CD96: variants seen among roughly 807,000 people sequenced by gnomAD.
CD96 encodes CD96 molecule.
A neutral mutation model predicts 71.3 loss-of-function variants in CD96; 70 were observed. That is an observed-to-expected ratio of 0.98 (90% CI 0.81 to 1.20). The LOEUF is 1.20. Among genes scored for constraint, CD96 ranks in the 50% most tolerant of loss-of-function variants. The pLI is 0.00. For synonymous variants in CD96, 248 were observed against 233.0 expected (o/e 1.06, Z -0.59); for missense variants, 742 against 677.5 (o/e 1.10, Z -1.06).
chr3:111,624,150 G>C (rs989482215), intron 9 of CD96, among the ~76,000 whole-genome samples, 183 bp from the exon 10 acceptor site: 1 of 152,138 alleles, frequency 6.6e-6, no homozygotes, highest in African/African-American at 2.4e-5. Flanking sequence ...GTGACAAGCT[G>C]GCATTAAACA....
chr3:111,565,479 C>G (rs1387106812), intron 2 of CD96, among the ~76,000 whole-genome samples: 1 of 151,926 alleles, frequency 6.6e-6, no homozygotes, highest in Non-Finnish European at 1.5e-5. Context: ...TAAAATATAA[C>G]TAACATATTT....
At chr3:111,633,076 C>T (rs1444260788) in intron 10 of CD96, among the ~76,000 whole-genome samples, 1 of 152,128 alleles carries the variant, frequency 6.6e-6, no homozygotes, top group African/African-American at 2.4e-5. Context: ...TTATTTCTAG[C>T]ATTTGATTTA....
chr3:111,545,287 G>T lies in CD96; in HGVS notation c.303G>T (p.Trp101Cys). ...AAACTCCTGAGAATGGGTCAAAATG[G>T]ACTCTGCACTTAAGGAATATGTCTT... Reference protein sequence around the residue: ...FTETPENGSKWTLHLRNMSCS... With the variant: ...FTETPENGSKCTLHLRNMSCS... The change falls in exon 2 of 14, where the codon TGG becomes TGT. Residue 101 changes from tryptophan to cysteine, a missense_variant. Physicochemically the swap from Trp to Cys is radical, Grantham distance 215 (BLOSUM62 -2). Coordinates refer to ENST00000352690, the MANE Select transcript of CD96 (RefSeq NM_005816.5). 6.2e-7 allele frequency: 1 copy of T among 1,614,064 alleles called. No individual in the cohort carries two copies. The highest frequency in any genetic ancestry group is 8.5e-7 in the Non-Finnish European group (1 of 1,179,932).
intron 2 of CD96, among the ~76,000 whole-genome samples, chr3:111,553,465 T>C (rs1278535403): frequency 1.4e-5 from 2 of 144,318 alleles, no homozygotes; most frequent in Non-Finnish European, 3.0e-5. Context: ...GACTACGTGA[T>C]AGATGATGCA....
At chr3:111,550,772 G>A (rs1037569491) in intron 2 of CD96, among the ~76,000 whole-genome samples, 38 of 152,114 alleles carry the variant, frequency 2.5e-4, no homozygotes, top group Admixed American at 2.2e-3. Flanking sequence ...AGCTGCTATG[G>A]ATAGAAGGGA....
chr3:111,550,605 A>G (rs1287607632), intron 2 of CD96, among the ~76,000 whole-genome samples: 5 of 152,056 alleles, frequency 3.3e-5, no homozygotes, highest in Non-Finnish European at 5.9e-5. Flanking sequence ...AAAAAAGAAC[A>G]GTTTTTTTTT....
chr3:111,560,498 G>T lies in CD96; in HGVS notation c.419-7025G>T. 1.6e-5 allele frequency among the ~76,000 whole-genome samples: 2 copies of T among 127,292 alleles called. 1 individual carries two copies. The highest frequency in any genetic ancestry group is 5.9e-4 in the South Asian group (2 of 3,390). 83.5% of individuals were successfully genotyped at this position (127,292 alleles called of 152,430 possible). A position where few individuals can be genotyped will look rare whatever the true frequency, so the allele number is the denominator to read the frequency against. On this transcript the variant is annotated intron_variant, in intron 2 of 13. Coordinates refer to ENST00000352690, the MANE Select transcript of CD96 (RefSeq NM_005816.5). ...AGTTTGGCTGGATATGAAATTCTGGGTTGAAAATTCTTTTCTTTAAGAATG... is the reference window on the plus strand; with the variant it reads ...AGTTTGGCTGGATATGAAATTCTGGTTTGAAAATTCTTTTCTTTAAGAATG...
intron 3 of CD96, among the ~76,000 whole-genome samples, chr3:111,574,421 C>T (rs753062736): frequency 2.6e-5 from 4 of 152,138 alleles, no homozygotes; most frequent in African/African-American, 4.8e-5. Context: ...ACATCTGAGC[C>T]TGAAACATTT....
intron 14 of CD96, among the ~76,000 whole-genome samples, chr3:111,659,055 T>G (rs899199359): frequency 1.2e-4 from 18 of 152,212 alleles, no homozygotes; most frequent in African/African-American, 4.3e-4. Context: ...ACTAATTCAA[T>G]TTCAGAAGTT....
At chr3:111,642,456 T>C (rs776033893) in intron 12 of CD96, among the ~76,000 whole-genome samples, 6 of 152,082 alleles carry the variant, frequency 3.9e-5, no homozygotes, top group Non-Finnish European at 8.8e-5. Context: ...AAAAATTAGA[T>C]ACCCTAAACA....
At chr3:111,647,421 C>T (rs756363254) in intron 12 of CD96, 122 bp from the exon 13 acceptor site, 76 of 900,730 alleles carry the variant, frequency 8.4e-5, no homozygotes, top group Admixed American at 4.0e-4. Flanking sequence ...ATGCCCACCT[C>T]CAGAGTATGA....
Position 111,599,372 on chromosome 3 carries a change from TA to T in CD96, c.898+1170del, listed in dbSNP as rs906145756. ...ATTATTGGTTTTATTAGTTTATTTT[TA>T]AAAAAAATTCACCCACAACAATGAC... On this transcript the variant is annotated intron_variant, in intron 6 of 13. Coordinates refer to ENST00000352690, the MANE Select transcript of CD96 (RefSeq NM_005816.5). Among the ~76,000 whole-genome samples, 21 of 152,102 alleles carry T rather than the reference TA, an allele frequency of 1.4e-4. No individual in the cohort carries two copies. In the South Asian group the frequency reaches 1.7e-3, roughly 12 times the overall value.
chr3:111,630,297 C>T (rs1938994210), intron 10 of CD96, among the ~76,000 whole-genome samples: 1 of 151,788 alleles, frequency 6.6e-6, no homozygotes, highest in Non-Finnish European at 1.5e-5. Context: ...CGAGAAGAAT[C>T]AAACACAATC....
intron 3 of CD96, chr3:111,570,651 C>G: frequency 1.9e-6 from 3 of 1,607,802 alleles, no homozygotes; most frequent in Admixed American, 3.3e-5. Context: ...GTACATGGCC[C>G]GGGACATGAC....
intron 12 of CD96, among the ~76,000 whole-genome samples, chr3:111,646,164 A>G (rs897629549): frequency 2.0e-5 from 3 of 152,158 alleles, no homozygotes; most frequent in African/African-American, 7.2e-5. Flanking sequence ...TCTATCATGT[A>G]TAAGAAATTT....
intron 8 of CD96, among the ~76,000 whole-genome samples, chr3:111,618,728 G>A (rs1009782439): frequency 6.6e-6 from 1 of 151,710 alleles, no homozygotes; most frequent in African/African-American, 2.4e-5. Context: ...GGGACTACAT[G>A]TCCAGCTAAT....
intron 11 of CD96, among the ~76,000 whole-genome samples, chr3:111,637,605 T>A (rs1939391773): frequency 6.6e-6 from 1 of 152,242 alleles, no homozygotes; most frequent in Non-Finnish European, 1.5e-5. Flanking sequence ...TGAATTTTTA[T>A]TAACCTTATC....
At chr3:111,638,000 CA>C in intron 11 of CD96, 78 bp from the exon 12 acceptor site, 9 of 827,910 alleles carry the variant, frequency 1.1e-5, no homozygotes, top group Non-Finnish European at 1.9e-5. Flanking sequence ...TTTCAAATAA[CA>C]TATGAAACCC....
chr3:111,592,045 TTATC>T (rs1268107366), intron 5 of CD96, among the ~76,000 whole-genome samples: 2 of 152,100 alleles, frequency 1.3e-5, no homozygotes, highest in Admixed American at 1.3e-4. Flanking sequence ...GATGCTGTCT[TTATC>T]TATTCCTGTC....
Sources: allele counts gnomAD v4.1 joint callset (sites outside exome capture counted in the v4.1 genomes callset), GRCh38; gene constraint gnomAD v4.1.1; transcripts MANE v1.5; gene names NCBI Gene and HGNC (gene_info 2026-07-23, HGNC 2026-07-21).